Variants in TRMT1 observed in about 807,000 individuals in gnomAD.
TRMT1 encodes tRNA (guanine(26)-N(2))-dimethyltransferase.
A neutral mutation model predicts 75.4 loss-of-function variants in TRMT1; 63 were observed. The observed-to-expected ratio is 0.84, with a 90% CI of 0.68 to 1.03. TRMT1 has a LOEUF of 1.03. Ranked by LOEUF, TRMT1 falls within the 50% of genes least tolerant of loss-of-function variation. The probability of loss-of-function intolerance (pLI) is 0.00; values close to 1 mark genes in which losing one functional copy is unlikely to be tolerated. For missense variants in TRMT1, 870 were observed against 905.3 expected (o/e 0.96, Z 0.50); for synonymous variants, 382 against 358.1 (o/e 1.07, Z -0.75).
rs146120939 is a variant in TRMT1, at chr19:13,115,467, C to G, written c.454-1G>C. On this transcript the variant is annotated splice_acceptor_variant, in intron 4 of 16. Coordinates refer to ENST00000357720, the MANE Select transcript of TRMT1 (RefSeq NM_001136035.4). LOFTEE classifies it high-confidence loss of function. ...GGCCTTCCAGCACATGCAGGCCTTC[C>G]TGTTGGAGTAAGCAGAAAACCTCCC... 5.6e-6 allele frequency: 9 copies of G among 1,611,460 alleles called. No individual in the cohort carries two copies. The highest frequency in any genetic ancestry group is 7.6e-6 in the Non-Finnish European group (9 of 1,178,698).
intron 5 of TRMT1, among the ~76,000 whole-genome samples, chr19:13,114,042 T>C (rs2019241310): frequency 6.6e-6 from 1 of 152,258 alleles, no homozygotes; most frequent in Non-Finnish European, 1.5e-5. Context: ...CATGCCCAGC[T>C]AATTACTTTT....
chr19:13,105,820 G>C (rs1043764580), intron 14 of TRMT1, among the ~76,000 whole-genome samples: 103 of 152,302 alleles, frequency 6.8e-4, no homozygotes, highest in Admixed American at 1.4e-3. Context: ...CCAGCATTTT[G>C]GGAGGCTGAG....
chr19:13,114,711 C>T (rs758778819), intron 5 of TRMT1, among the ~76,000 whole-genome samples: 3 of 151,374 alleles, frequency 2.0e-5, no homozygotes, highest in African/African-American at 4.9e-5. Context: ...CGTGGTGGCA[C>T]GTGCCTGTAA....
chr19:13,114,473 T>G (rs558881287), intron 5 of TRMT1, among the ~76,000 whole-genome samples: 2 of 152,338 alleles, frequency 1.3e-5, no homozygotes, highest in Non-Finnish European at 2.9e-5. Flanking sequence ...GAGACCATCC[T>G]GGCCACCATG....
intron 13 of TRMT1, 25 bp downstream of exon 13, chr19:13,107,726 T>G (rs1448069037): frequency 1.3e-6 from 2 of 1,558,396 alleles, no homozygotes; most frequent in Admixed American, 3.9e-5. Context: ...CCCTCCCACC[T>G]GCATGAGGTC....
At chr19:13,112,684 G>A in intron 7 of TRMT1, 21 bp downstream of exon 7, 3 of 1,605,268 alleles carry the variant, frequency 1.9e-6, no homozygotes, top group Non-Finnish European at 2.5e-6. Flanking sequence ...CTCCCTGGCT[G>A]GCTGGCAGAG....
At position 13,109,582 on chromosome 19, in the gene TRMT1, G is replaced by A. The variant is rs1381050160; in HGVS notation, c.1279C>T (p.Arg427Trp). Residue 427 changes from arginine to tryptophan, a missense_variant, in exon 11 of 17, where the codon CGG (arginine) becomes TGG (tryptophan). Transcript: ENST00000357720. ...ANPGRFHTSE[R>W]IRGVLSVITE... is the part of the protein sequence containing the mutation. ...ATGACGCTCAGGACCCCTCGGATCC[G>A]CTCCGAGGTGTGGAAGCGGCCGGGG... 4.3e-6 allele frequency: 7 copies of A among 1,613,994 alleles called. No homozygotes were observed. The highest frequency in any genetic ancestry group is 1.7e-5 in the Admixed American group (1 of 60,016).
In TRMT1 at chr19:13,104,939, T is replaced by C. The variant is rs763502997; in HGVS notation, c.1976A>G (p.Asp659Gly). ...GPGAAAGPGID is the reference protein window; with the variant it reads ...GPGAAAGPGIG The stretch of plus-strand genomic sequence containing the variant: ...ACGTGACATCTCTTTATTGGTTCAG[T>C]CTATGCCTGGCCCAGCGGCAGCCCC... Residue 659 changes from aspartate to glycine, a missense_variant, in exon 17 of 17, where the codon GAC becomes GGC. Coordinates refer to ENST00000357720, the MANE Select transcript of TRMT1 (RefSeq NM_001136035.4). 5.0e-6 allele frequency: 8 copies of C among 1,613,900 alleles called. No homozygotes were observed. Among genetic ancestry groups the C allele is most frequent in the South Asian group, 1.1e-5 (1 of 91,090 alleles).
intron 7 of TRMT1, among the ~76,000 whole-genome samples, chr19:13,111,817 C>T (rs1348063046): frequency 2.0e-5 from 3 of 151,232 alleles, no homozygotes; most frequent in East Asian, 1.9e-4. Flanking sequence ...CTCCTGCCTC[C>T]GCCTCCCGAA....
chr19:13,107,081 C>G (rs1004320576), intron 14 of TRMT1, among the ~76,000 whole-genome samples: 4 of 150,980 alleles, frequency 2.6e-5, no homozygotes, highest in Admixed American at 6.6e-5. Context: ...CGTGATCCGC[C>G]TGCCTCGGCC....
rs1309712976 is a variant in TRMT1 at position 13,116,189 on chromosome 19, C to CGT, written c.209_210dup (p.Glu71ThrfsTer15). The CGT allele has an allele frequency of 1.9e-6, 3 of 1,614,132 alleles. No individual in the cohort carries two copies. The highest frequency in any genetic ancestry group is 2.5e-6 in the Non-Finnish European group (3 of 1,180,028). ...TCCTGCACCGGGTTATAAAAGACCT[C>CGT]GTTGGCACTGGGAAAGGCGATTTTG... On this transcript the variant is annotated frameshift_variant, in exon 2 of 17. Coordinates refer to ENST00000357720, the MANE Select transcript of TRMT1 (RefSeq NM_001136035.4). LOFTEE classifies it high-confidence loss of function.
In TRMT1 at chr19:13,116,389, G is replaced by A. The variant is rs1469081381; in HGVS notation, c.11C>T (p.Ser4Leu). MQG[S>L]SLWLSLTFRS... ...GAAAGTGAGGCTTAGCCACAGAGAC[G>A]ATCCTTGCATGAGACATCCGCTGGC... The change falls in exon 2 of 17, where the codon TCG becomes TTG. Residue 4 changes from serine (S) to leucine (L), a missense_variant. Ser to Leu is a moderately radical substitution (Grantham distance 145). Transcript: ENST00000357720. 6.2e-7 allele frequency: 1 copy of A among 1,602,238 alleles called. No individual in the cohort carries two copies. The highest frequency in any genetic ancestry group is 8.5e-7 in the Non-Finnish European group (1 of 1,176,296).
chr19:13,114,482 T>G lies in TRMT1; in HGVS notation c.641+797A>C, dbSNP rs186347607. Among the ~76,000 whole-genome samples, 448 of 152,272 alleles carry G rather than the reference T, an allele frequency of 2.9e-3. 3 individuals carry two copies. Among genetic ancestry groups the G allele is most frequent in the Non-Finnish European group, 4.2e-3 (285 of 68,014 alleles). On this transcript the variant is annotated intron_variant, in intron 5 of 16. Coordinates refer to ENST00000357720, the MANE Select transcript of TRMT1 (RefSeq NM_001136035.4). ...GAAATCGAGACCATCCTGGCCACCA[T>G]GGTGAAACCCCATCTCTACTATAAA...
chr19:13,105,273 A>T lies in TRMT1; in HGVS notation c.1827T>A (p.Phe609Leu). Residue 609 changes from phenylalanine to leucine, a missense_variant, in exon 16 of 17, where the codon TTT becomes TTA. Physicochemically the swap from Phe to Leu is conservative, Grantham distance 22 (BLOSUM62 0). Transcript: ENST00000357720. ...ARLKTFPCKR[F>L]KEGTCQRGDQ... is the part of the protein sequence containing the mutation. ...AAGGGAGGAGGGACCTCACCTCCTT[A>T]AACCTCTTGCAAGGAAATGTCTTGA... 1 of 1,613,530 alleles carries T rather than the reference A, an allele frequency of 6.2e-7. No homozygotes were observed. The highest frequency in any genetic ancestry group is 8.5e-7 in the Non-Finnish European group (1 of 1,179,814).
At chr19:13,109,120 A>G (rs1418892790) in intron 12 of TRMT1, among the ~76,000 whole-genome samples, 6 of 148,904 alleles carry the variant, frequency 4.0e-5, no homozygotes, top group African/African-American at 1.5e-4. Context: ...ATACATACGT[A>G]TGTATGTGTG....
chr19:13,113,134 C>A, intron 5 of TRMT1, 123 bp from the exon 6 acceptor site: 1 of 533,972 alleles, frequency 1.9e-6, no homozygotes, highest in South Asian at 3.7e-5. Context: ...TTCCCAAGTT[C>A]AAGTCCTGGC....
Position 13,105,088 on chromosome 19 carries a change from G to A in TRMT1, c.1834-7C>T. On this transcript the variant is annotated splice_polypyrimidine_tract_variant and splice_region_variant and intron_variant, in intron 16 of 16. Coordinates refer to ENST00000357720, the MANE Select transcript of TRMT1 (RefSeq NM_001136035.4). ...CCCCGCGTTGACAGGTGCCCTGGTG[G>A]GAAGATGGTGGGTGTGAACCCCTGC... 2 of 1,577,394 alleles carry A rather than the reference G, an allele frequency of 1.3e-6. No homozygotes were observed. Among genetic ancestry groups the A allele is most frequent in the South Asian group, 1.2e-5 (1 of 84,466 alleles).
At chr19:13,115,554 G>A (rs1392712902) in intron 4 of TRMT1, 72 bp downstream of exon 4, 79 of 1,605,948 alleles carry the variant, frequency 4.9e-5, no homozygotes, top group Non-Finnish European at 6.1e-5. Context: ...ACCTCCTATA[G>A]CTCTCCCCCT....
In TRMT1 at chr19:13,115,314, C is replaced by T; in HGVS notation, c.606G>A (p.Val202=). 2 of 1,613,714 alleles carry T rather than the reference C, an allele frequency of 1.2e-6. No homozygotes were observed. The highest frequency in any genetic ancestry group is 1.7e-6 in the Non-Finnish European group (2 of 1,179,904). ...CTTGGCTCGGCTGTACCAGGTGGGC[C>T]ACGTCATTGAGCTGGACATTCCGGC... The part of the protein sequence containing the change: ...LIRRNVQLND[V]AHLVQPSQAD... The change falls in exon 5 of 17, where the codon GTG becomes GTA. Residue 202 remains valine (V), a synonymous_variant. Transcript: ENST00000357720.
Sources: allele counts gnomAD v4.1 joint callset (sites outside exome capture counted in the v4.1 genomes callset), GRCh38; gene constraint gnomAD v4.1.1; transcripts MANE v1.5; gene names NCBI Gene and HGNC (gene_info 2026-07-23, HGNC 2026-07-21).